RGMA: variants seen among roughly 807,000 people sequenced by gnomAD.
The protein encoded by RGMA is repulsive guidance molecule A.
A neutral mutation model predicts 23.2 loss-of-function variants in RGMA; 10 were observed. That is an observed-to-expected ratio of 0.43 (90% CI 0.27 to 0.73). The LOEUF is 0.73. Among genes scored for constraint, RGMA ranks in the 30% least tolerant of loss-of-function variants. The pLI is 0.20. For synonymous variants in RGMA, 308 were observed against 279.3 expected, an observed-to-expected ratio of 1.10 and a Z score of -1.03; for missense variants, 547 against 630.5, an observed-to-expected ratio of 0.87 and a Z score of 1.42.
At chr15:93,065,720 G>T in intron 2 of RGMA, 2 of 1,196,768 alleles carry the variant, frequency 1.7e-6, no homozygotes, top group Non-Finnish European at 2.4e-6. Flanking sequence ...TGGGGCTCAG[G>T]CCGGGGACCA....
intron 3 of RGMA, among the ~76,000 whole-genome samples, chr15:93,050,827 G>A (rs1596082607): frequency 6.6e-6 from 1 of 152,182 alleles, no homozygotes; most frequent in African/African-American, 2.4e-5. Context: ...GGGAGGCCAG[G>A]TCCCCTCTGA....
chr15:93,060,121 C>G (rs1000977565), intron 2 of RGMA, among the ~76,000 whole-genome samples: 4 of 152,192 alleles, frequency 2.6e-5, no homozygotes, highest in Non-Finnish European at 4.4e-5. Context: ...CCAATACACA[C>G]AGAACCAGGG....
At chr15:93,087,687 C>T (rs957370725) in intron 1 of RGMA, among the ~76,000 whole-genome samples, 1 of 152,156 alleles carries the variant, frequency 6.6e-6, no homozygotes, top group Non-Finnish European at 1.5e-5. Context: ...GATCTCTGCA[C>T]CAGATACCTG....
chr15:93,065,399 GA>G (rs113680569), intron 2 of RGMA, among the ~76,000 whole-genome samples: 18,995 of 130,914 alleles, frequency 0.15, 1,531 homozygotes, highest in Middle Eastern at 0.26. Flanking sequence ...GATAAGGGAA[GA>G]AAAAAAAAAA....
chr15:93,065,995 G>C, intron 2 of RGMA: 1 of 1,264,270 alleles, frequency 7.9e-7, no homozygotes, highest in Non-Finnish European at 1.1e-6. Flanking sequence ...GGAGTCTTTG[G>C]CCCGTTCCCC....
At chr15:93,081,983 A>C (rs1895566023) in intron 1 of RGMA, among the ~76,000 whole-genome samples, 1 of 152,254 alleles carries the variant, frequency 6.6e-6, no homozygotes, top group Non-Finnish European at 1.5e-5. Context: ...TGGGCTAAGA[A>C]CATGCAGTCC....
chr15:93,060,391 G>C (rs1894917755), intron 2 of RGMA, among the ~76,000 whole-genome samples: 1 of 152,246 alleles, frequency 6.6e-6, no homozygotes, highest in Non-Finnish European at 1.5e-5. Context: ...GGAGAATCCA[G>C]AAGTGTGCAA....
chr15:93,071,228 A>T (rs1895311901), intron 2 of RGMA, among the ~76,000 whole-genome samples: 1 of 152,202 alleles, frequency 6.6e-6, no homozygotes, highest in South Asian at 2.1e-4. Flanking sequence ...CACAAATTGC[A>T]AACTCCTGCT....
chr15:93,058,910 T>C (rs1189916337), intron 2 of RGMA, among the ~76,000 whole-genome samples: 2 of 152,122 alleles, frequency 1.3e-5, no homozygotes, highest in Non-Finnish European at 2.9e-5. Flanking sequence ...GGTAGGTACG[T>C]GGGCTGGGCC....
At chr15:93,080,813 G>T (rs895554891) in intron 1 of RGMA, among the ~76,000 whole-genome samples, 1 of 152,028 alleles carries the variant, frequency 6.6e-6, no homozygotes, top group African/African-American at 2.4e-5. Context: ...TGGAGCAGCC[G>T]TGTTTCTTTT....
At position 93,073,785 on chromosome 15, in the gene RGMA, C is replaced by A. The variant is rs79358356; in HGVS notation, c.15-754G>T. On this transcript the variant is annotated intron_variant, in intron 1 of 3. Coordinates refer to ENST00000329082, the MANE Select transcript of RGMA (RefSeq NM_020211.3). ...GACTGGGTTTGGCCTGCCTCCAGCACCCCCTTCAAGCACCTCGCTGCTTCC... is the reference window on the plus strand; with the variant it reads ...GACTGGGTTTGGCCTGCCTCCAGCAACCCCTTCAAGCACCTCGCTGCTTCC... The A allele has an allele frequency of 2.9e-3, 4,395 of 1,536,122 alleles. 108 individuals are homozygous for A. In the African/African-American group the frequency reaches 0.052, roughly 18 times the overall value.
intron 2 of RGMA, chr15:93,066,400 CG>C (rs1895152425): frequency 3.4e-6 from 2 of 595,946 alleles, no homozygotes; most frequent in Non-Finnish European, 3.2e-6. Context: ...GTGGGGGAAA[CG>C]GGGGGCGGGG....
Position 93,045,035 on chromosome 15 carries a change from A to G in RGMA, c.1316T>C (p.Leu439Pro). The change falls in exon 4 of 4, where the codon CTC becomes CCC. Residue 439 changes from leucine (L) to proline (P), a missense_variant. This residue lies in a region of RGMA where 205 missense variants were observed against 204.1 expected (regional missense o/e 1.00). Transcript: ENST00000329082. This position sits in a 1 kb window ranked among gnomAD's most constrained non-coding sequence, Gnocchi z 6.9. ...PLAPRPLLGA[L>P]VPLLALLPVF... ...AGGGAGCAGGGCCAGGAGCGGGACG[A>G]GGGCGCCCAGGAGGGGCCGGGGGGC... is the stretch of plus-strand genomic sequence containing the variant. The G allele has an allele frequency of 6.3e-7, 1 of 1,596,018 alleles. No homozygotes were observed. Among genetic ancestry groups the G allele is most frequent in the Non-Finnish European group, 8.5e-7 (1 of 1,171,640 alleles).
intron 2 of RGMA, among the ~76,000 whole-genome samples, chr15:93,054,578 CT>C (rs1232095169): frequency 1.3e-5 from 2 of 152,206 alleles, no homozygotes; most frequent in Non-Finnish European, 2.9e-5. Context: ...TTTGCTTCTC[CT>C]TTGCCTTCTG....
chr15:93,084,629 C>A (rs1486645807), intron 1 of RGMA, among the ~76,000 whole-genome samples: 1 of 152,076 alleles, frequency 6.6e-6, no homozygotes. Context: ...TGTGCCGCCA[C>A]ACCCGGCCAG....
chr15:93,046,165 G>T (rs2141794290), intron 3 of RGMA, among the ~76,000 whole-genome samples: 1 of 152,292 alleles, frequency 6.6e-6, no homozygotes, highest in Non-Finnish European at 1.5e-5. Flanking sequence ...GAGATGAAGA[G>T]ATTATTCTGG....
Position 93,088,812 on chromosome 15 carries a change from A to G in RGMA, c.14+107T>C, listed in dbSNP as rs988419378. 14 of 1,070,230 alleles carry G rather than the reference A, an allele frequency of 1.3e-5. No homozygotes were observed. In the African/African-American group the frequency reaches 2.2e-4, roughly 17 times the overall value. 66.3% of individuals were successfully genotyped at this position (1,070,230 alleles called of 1,614,324 possible). On this transcript the variant is annotated intron_variant, in intron 1 of 3. Coordinates refer to ENST00000329082, the MANE Select transcript of RGMA (RefSeq NM_020211.3). ...ATGTGGGCAAGATGGGAGCAAGATG[A>G]GACGCGGGGCTAAGGAAGACCAAAG...
intron 2 of RGMA, among the ~76,000 whole-genome samples, chr15:93,054,988 G>C (rs935580098): frequency 1.3e-5 from 2 of 152,188 alleles, no homozygotes; most frequent in East Asian, 3.9e-4. Context: ...TATGGGGAGG[G>C]AGTGCTACGC....
chr15:93,059,126 T>C (rs2055061699), intron 2 of RGMA, among the ~76,000 whole-genome samples: 1 of 151,814 alleles, frequency 6.6e-6, no homozygotes, highest in Non-Finnish European at 1.5e-5. Flanking sequence ...GGGGCTGAGA[T>C]GGGCAGGCCT....
Sources: allele counts gnomAD v4.1 joint callset (sites outside exome capture counted in the v4.1 genomes callset), GRCh38; gene constraint gnomAD v4.1.1; regional missense constraint gnomAD v4.1.1; non-coding constraint Gnocchi (gnomAD v3.1); transcripts MANE v1.5; gene names NCBI Gene and HGNC (gene_info 2026-07-23, HGNC 2026-07-21).